Variants in XPR1 observed in about 807,000 individuals in gnomAD.
XPR1 encodes the protein xenotropic and polytropic retrovirus receptor 1.
A neutral mutation model predicts 87.5 loss-of-function variants in XPR1; 28 were observed. That is an observed-to-expected ratio of 0.32 (90% CI 0.24 to 0.44). The LOEUF (loss-of-function observed/expected upper bound fraction) is 0.44, where lower values mean the gene tolerates loss of function less well. Ranked by LOEUF, XPR1 falls within the 20% of genes least tolerant of loss-of-function variation. The pLI is 1.00. For missense variants in XPR1, 559 were observed against 862.3 expected (o/e 0.65, Z 4.41); for synonymous variants, 300 against 306.1 (o/e 0.98, Z 0.21).
chr1:180,752,471 C>CT (rs1241523631), intron 2 of XPR1, among the ~76,000 whole-genome samples: 2 of 152,076 alleles, frequency 1.3e-5, no homozygotes, highest in Admixed American at 6.6e-5. Flanking sequence ...GCAGTAACAA[C>CT]TTTTTACCAA....
chr1:180,745,201 A>G (rs879768906), intron 2 of XPR1, among the ~76,000 whole-genome samples: 4 of 152,134 alleles, frequency 2.6e-5, no homozygotes, highest in Non-Finnish European at 5.9e-5. Context: ...ATTCTCCTTG[A>G]TAGTTCTCTG....
chr1:180,711,350 A>C (rs1657783614), intron 2 of XPR1, among the ~76,000 whole-genome samples: 1 of 151,956 alleles, frequency 6.6e-6, no homozygotes, highest in South Asian at 2.1e-4. Context: ...ACGAGACTCC[A>C]TCTGCAATCC....
At chr1:180,646,537 A>C (rs1186388896) in intron 1 of XPR1, among the ~76,000 whole-genome samples, 1 of 152,056 alleles carries the variant, frequency 6.6e-6, no homozygotes, top group African/African-American at 2.4e-5. Flanking sequence ...AATATGAATC[A>C]CCTGTTGCAA....
intron 2 of XPR1, among the ~76,000 whole-genome samples, chr1:180,751,997 T>C (rs919414213): frequency 7.9e-5 from 12 of 152,232 alleles, no homozygotes; most frequent in Middle Eastern, 3.4e-3. Flanking sequence ...TGGAAACTTA[T>C]AATACAAAAA....
intron 2 of XPR1, among the ~76,000 whole-genome samples, chr1:180,766,455 A>G (rs932089539): frequency 3.3e-5 from 5 of 152,208 alleles, no homozygotes; most frequent in Non-Finnish European, 4.4e-5. Context: ...ATCAAATATA[A>G]TTCTAAGTAG....
At chr1:180,878,649 T>C (rs902542139) in intron 13 of XPR1, among the ~76,000 whole-genome samples, 4 of 152,208 alleles carry the variant, frequency 2.6e-5, no homozygotes, top group African/African-American at 9.6e-5. Flanking sequence ...GGTAGAGCCA[T>C]GATTTGAATC....
chr1:180,860,048 A>G (rs918729683), intron 11 of XPR1, among the ~76,000 whole-genome samples: 4 of 152,120 alleles, frequency 2.6e-5, no homozygotes, highest in African/African-American at 9.6e-5. Context: ...ATTTTTGGCC[A>G]AATATTTTAC....
chr1:180,746,063 T>C (rs2102030324), intron 2 of XPR1, among the ~76,000 whole-genome samples: 1 of 152,298 alleles, frequency 6.6e-6, no homozygotes, highest in East Asian at 1.9e-4. Flanking sequence ...ATCTGTTCCT[T>C]TTTTTTCTTT....
chr1:180,664,824 G>A (rs906008439), intron 1 of XPR1, among the ~76,000 whole-genome samples: 18 of 152,222 alleles, frequency 1.2e-4, no homozygotes, highest in Admixed American at 1.2e-3. Flanking sequence ...GAAGAGAAAT[G>A]GTTTCCGGAT....
At chr1:180,846,365 G>A (rs779281044) in intron 11 of XPR1, among the ~76,000 whole-genome samples, 3 of 152,018 alleles carry the variant, frequency 2.0e-5, no homozygotes, top group Non-Finnish European at 4.4e-5. Context: ...TTGTGAGCAT[G>A]CTTTTTAGAA....
intron 3 of XPR1, among the ~76,000 whole-genome samples, chr1:180,788,258 A>G (rs1649252789): frequency 6.6e-6 from 1 of 152,166 alleles, no homozygotes; most frequent in African/African-American, 2.4e-5. Context: ...TCTCTAAAGC[A>G]CTGGCCTCCA....
At chr1:180,847,540 G>T (rs573446788) in intron 11 of XPR1, among the ~76,000 whole-genome samples, 2 of 152,188 alleles carry the variant, frequency 1.3e-5, no homozygotes, top group African/African-American at 4.8e-5. Flanking sequence ...AAAATTGAGA[G>T]AATAATTCCC....
rs562698524 is a variant in XPR1, at chr1:180,755,541, T to C, written c.122-32212T>C. Among the ~76,000 whole-genome samples, 8 of 152,302 alleles carry C rather than the reference T, an allele frequency of 5.3e-5. No individual in the cohort carries two copies. The East Asian group carries it at 1.5e-3, about 29-fold the overall frequency. ...ACTCATTTACAACTGGTGTAAACTTTCCCTGATTTCATATAGCTAGCCCTC... is the reference window on the plus strand; with the variant it reads ...ACTCATTTACAACTGGTGTAAACTTCCCCTGATTTCATATAGCTAGCCCTC... On this transcript the variant is annotated intron_variant, in intron 2 of 14. Transcript: ENST00000367590.
intron 2 of XPR1, among the ~76,000 whole-genome samples, chr1:180,768,204 A>C (rs1428511639): frequency 6.6e-6 from 1 of 151,506 alleles, no homozygotes; most frequent in Non-Finnish European, 1.5e-5. Context: ...TTGACCTAAA[A>C]CTAAGATTTA....
At chr1:180,694,618 TC>T (rs1379196883) in intron 2 of XPR1, among the ~76,000 whole-genome samples, 2 of 151,104 alleles carry the variant, frequency 1.3e-5, no homozygotes, top group African/African-American at 2.5e-5. Flanking sequence ...ATCAATGTAT[TC>T]CCCTTCCCCA....
At chr1:180,746,543 G>A (rs1287518888) in intron 2 of XPR1, among the ~76,000 whole-genome samples, 4 of 151,814 alleles carry the variant, frequency 2.6e-5, no homozygotes, top group East Asian at 1.9e-4. Context: ...GGTTGCTTCC[G>A]TATCTTTGTA....
chr1:180,883,336 C>A (rs1270881104), intron 14 of XPR1, among the ~76,000 whole-genome samples: 5 of 152,044 alleles, frequency 3.3e-5, no homozygotes, highest in African/African-American at 1.2e-4. Context: ...AAGTGGTATT[C>A]AGTGAAATCG....
intron 1 of XPR1, among the ~76,000 whole-genome samples, chr1:180,639,659 A>G (rs1199395497): frequency 6.6e-6 from 1 of 152,166 alleles, no homozygotes; most frequent in Admixed American, 6.5e-5. Context: ...TCATAGGGTA[A>G]TCCATGTGCT....
chr1:180,655,386 G>GTC lies in XPR1; in HGVS notation c.69+23130_69+23131dup, dbSNP rs200586159. Among the ~76,000 whole-genome samples the GTC allele has an allele frequency of 6.3e-4, 92 of 147,000 alleles. 1 individual carries two copies. The highest frequency in any genetic ancestry group is 2.1e-3 in the African/African-American group (83 of 39,470). On this transcript the variant is annotated intron_variant, in intron 1 of 14. Transcript: ENST00000367590. ...GGGTTGCTTTTCAATTCTGTTGATA[G>GTC]TCTCTCTCTCTCTCTTTTTTTTTTT...
Sources: allele counts gnomAD v4.1 joint callset (sites outside exome capture counted in the v4.1 genomes callset), GRCh38; gene constraint gnomAD v4.1.1; transcripts MANE v1.5; gene names NCBI Gene and HGNC (gene_info 2026-07-23, HGNC 2026-07-21).